CNTNAP2: variants seen among roughly 807,000 people sequenced by gnomAD.
CNTNAP2 encodes contactin associated protein 2, also known as contactin-associated protein-like 2.
In CNTNAP2, 98 loss-of-function variants were observed where a neutral mutation model predicts 155.2. The ratio of observed to expected loss-of-function variants is 0.63; its 90% CI spans 0.54 to 0.75. CNTNAP2 has a LOEUF of 0.75. Among genes scored for constraint, CNTNAP2 ranks in the 30% least tolerant of loss-of-function variants. The pLI, the probability that CNTNAP2 is intolerant of heterozygous loss-of-function variation, is 0.00. For missense variants in CNTNAP2, 1,727 were observed against 1,688.1 expected (o/e 1.02, Z -0.40); for synonymous variants, 651 against 631.2 (o/e 1.03, Z -0.47).
intron 10 of CNTNAP2, among the ~76,000 whole-genome samples, chr7:147,429,540 C>A (rs1797433305): frequency 6.6e-6 from 1 of 151,966 alleles, no homozygotes; most frequent in Admixed American, 6.6e-5. Flanking sequence ...CTGATAATTT[C>A]TTTTGCTGTG....
intron 1 of CNTNAP2, among the ~76,000 whole-genome samples, chr7:146,758,906 C>A (rs1802037292): frequency 2.0e-5 from 3 of 152,108 alleles, no homozygotes; most frequent in Non-Finnish European, 2.9e-5. Context: ...AGTTAAGCTT[C>A]AACTTGCTTA....
At chr7:147,872,069 C>A (rs1410128317) in intron 13 of CNTNAP2, among the ~76,000 whole-genome samples, 1 of 152,310 alleles carries the variant, frequency 6.6e-6, no homozygotes, top group Middle Eastern at 3.4e-3. Context: ...TCCTCCTTGG[C>A]CCACCCTACA....
chr7:147,223,650 A>G (rs899476022), intron 8 of CNTNAP2, among the ~76,000 whole-genome samples: 3 of 152,188 alleles, frequency 2.0e-5, no homozygotes, highest in African/African-American at 7.2e-5. Context: ...ACAGCTATTA[A>G]GAACTACAAG....
At chr7:146,488,579 C>T (rs566731502) in intron 1 of CNTNAP2, among the ~76,000 whole-genome samples, 2 of 152,060 alleles carry the variant, frequency 1.3e-5, no homozygotes, top group East Asian at 3.9e-4. Context: ...TCACTGCTGC[C>T]TAATGAAACG....
At position 146,483,239 on chromosome 7, in the gene CNTNAP2, G is replaced by T. The variant is rs1796992484; in HGVS notation, c.98-291032G>T. On this transcript the variant is annotated intron_variant, in intron 1 of 23. Transcript: ENST00000361727. ...TGCAGTGAGCCAAGATCGCGCCACT[G>T]CACTCCAGCCTGGGCAACAGAGCAA... 3.7e-5 allele frequency among the ~76,000 whole-genome samples: 5 copies of T among 135,320 alleles called. No individual in the cohort carries two copies. The South Asian group carries it at 1.2e-3, about 33-fold the overall frequency. The allele number at this position is 135,320 out of a possible 152,430, so 88.8% of individuals were successfully genotyped here. A position where few individuals can be genotyped will look rare whatever the true frequency, so the allele number is the denominator to read the frequency against.
At chr7:146,207,221 A>C (rs559690319) in intron 1 of CNTNAP2, among the ~76,000 whole-genome samples, 1 of 152,154 alleles carries the variant, frequency 6.6e-6, no homozygotes. Context: ...GGACTCTTAA[A>C]GTTTTTAGAC....
chr7:148,313,759 C>T (rs1294623377), intron 21 of CNTNAP2, among the ~76,000 whole-genome samples: 1 of 152,086 alleles, frequency 6.6e-6, no homozygotes, highest in Non-Finnish European at 1.5e-5. Flanking sequence ...TATTTAATGT[C>T]GGGAGCAGAT....
At chr7:147,942,401 T>C (rs562185701) in intron 14 of CNTNAP2, among the ~76,000 whole-genome samples, 27 of 152,296 alleles carry the variant, frequency 1.8e-4, no homozygotes, top group African/African-American at 5.5e-4. Flanking sequence ...AATGGATAAA[T>C]GTTTTCTGAT....
At chr7:147,511,290 T>A (rs1443134848) in intron 11 of CNTNAP2, among the ~76,000 whole-genome samples, 1 of 152,070 alleles carries the variant, frequency 6.6e-6, no homozygotes, top group Non-Finnish European at 1.5e-5. Flanking sequence ...CCTCTAGCAC[T>A]TTTTCTTTTT....
chr7:146,241,440 A>G (rs939851707), intron 1 of CNTNAP2, among the ~76,000 whole-genome samples: 2 of 152,210 alleles, frequency 1.3e-5, no homozygotes, highest in Non-Finnish European at 2.9e-5. Context: ...TGTGTTCACA[A>G]GAACACATAC....
At chr7:147,234,263 T>C (rs1321144620) in intron 8 of CNTNAP2, among the ~76,000 whole-genome samples, 2 of 151,498 alleles carry the variant, frequency 1.3e-5, no homozygotes, top group Admixed American at 1.3e-4. Context: ...ATCAGGAAAT[T>C]AACATTATTT....
At position 146,983,661 on chromosome 7, in the gene CNTNAP2, T is replaced by C. The variant is rs1245019610; in HGVS notation, c.403-60246T>C. 2.0e-5 allele frequency among the ~76,000 whole-genome samples: 3 copies of C among 152,186 alleles called. No individual in the cohort carries two copies. In the East Asian group the frequency reaches 5.8e-4, roughly 29 times the overall value. On this transcript the variant is annotated intron_variant, in intron 3 of 23. Transcript: ENST00000361727. Reference sequence around the variant, plus strand: ...GTAAGCATGAGGGCTTCCATTGTTTTTCCATTTGGCGAGTTGAAAAACAAG... The same window carrying C: ...GTAAGCATGAGGGCTTCCATTGTTTCTCCATTTGGCGAGTTGAAAAACAAG...
chr7:146,378,396 G>GTGA (rs150135089), intron 1 of CNTNAP2, among the ~76,000 whole-genome samples: 27 of 151,746 alleles, frequency 1.8e-4, no homozygotes, highest in Non-Finnish European at 3.1e-4. Flanking sequence ...GATGATGATG[G>GTGA]TGATGATGAT....
intron 4 of CNTNAP2, among the ~76,000 whole-genome samples, chr7:147,059,132 A>G (rs1159533867): frequency 6.6e-6 from 1 of 152,182 alleles, no homozygotes; most frequent in Admixed American, 6.5e-5. Flanking sequence ...ATACATGTGA[A>G]TGCTCTTCTG....
chr7:148,368,594 G>A (rs76834225), intron 21 of CNTNAP2, among the ~76,000 whole-genome samples: 4,753 of 152,278 alleles, frequency 0.031, 90 homozygotes, highest in Non-Finnish European at 0.039. Flanking sequence ...GTAGCAGGAC[G>A]AATTGCAGAC....
chr7:147,180,863 G>A (rs981368875), intron 8 of CNTNAP2, among the ~76,000 whole-genome samples: 2 of 151,998 alleles, frequency 1.3e-5, no homozygotes, highest in African/African-American at 4.8e-5. Context: ...TATTTACATA[G>A]GAAGCTACTA....
intron 21 of CNTNAP2, among the ~76,000 whole-genome samples, chr7:148,284,149 T>C (rs11770420): frequency 0.37 from 56,349 of 152,118 alleles, 11,212 homozygotes; most frequent in East Asian, 0.6. Context: ...TTATCACACA[T>C]GATGTTCATG....
At chr7:146,928,822 T>G (rs570944147) in intron 3 of CNTNAP2, among the ~76,000 whole-genome samples, 2 of 152,036 alleles carry the variant, frequency 1.3e-5, no homozygotes, top group South Asian at 4.2e-4. Flanking sequence ...GCCCACGGAG[T>G]CTCGCTGGTT....
chr7:148,371,054 A>G (rs1798878390), intron 21 of CNTNAP2, among the ~76,000 whole-genome samples: 1 of 152,040 alleles, frequency 6.6e-6, no homozygotes, highest in Admixed American at 6.5e-5. Flanking sequence ...TATGCTGACC[A>G]CCCCAGGGGA....
Sources: gnomAD v4.1 joint callset for allele counts (sites outside exome capture counted in the v4.1 genomes callset) on GRCh38, gnomAD v4.1.1 for gene constraint, MANE v1.5 for transcripts, NCBI Gene and HGNC (gene_info 2026-07-23, HGNC 2026-07-21) for gene names.